Variants in FAF1 observed in about 807,000 individuals in gnomAD.
The protein encoded by FAF1 is FAS-associated factor 1.
A neutral mutation model predicts 92.5 loss-of-function variants in FAF1; 25 were observed. That is an observed-to-expected ratio of 0.27 (90% CI 0.20 to 0.38). The LOEUF (loss-of-function observed/expected upper bound fraction) is 0.38. Ranked by LOEUF, FAF1 falls within the 10% of genes least tolerant of loss-of-function variation. FAF1 has a pLI of 1.00. For missense variants in FAF1, 636 were observed against 793.3 expected (o/e 0.80, Z 2.38); for synonymous variants, 234 against 273.2 (o/e 0.86, Z 1.42).
intron 6 of FAF1, among the ~76,000 whole-genome samples, chr1:50,723,870 T>C (rs1379491358): frequency 6.6e-6 from 1 of 152,094 alleles, no homozygotes; most frequent in Non-Finnish European, 1.5e-5. Context: ...TGACTCAGCC[T>C]CCTGAGTAGC....
At chr1:50,901,082 AT>A in intron 1 of FAF1, among the ~76,000 whole-genome samples, 1 of 152,192 alleles carries the variant, frequency 6.6e-6, no homozygotes, top group Non-Finnish European at 1.5e-5. Context: ...TGTATTATAT[AT>A]TTATCTACTT....
chr1:50,476,882 T>G (rs1646644990), intron 17 of FAF1, among the ~76,000 whole-genome samples: 1 of 152,100 alleles, frequency 6.6e-6, no homozygotes, highest in Non-Finnish European at 1.5e-5. Context: ...ATATAACTAG[T>G]CAGCTTATAA....
intron 3 of FAF1, among the ~76,000 whole-genome samples, chr1:50,799,435 C>A (rs2124589334): frequency 6.6e-6 from 1 of 152,066 alleles, no homozygotes; most frequent in African/African-American, 2.4e-5. Flanking sequence ...AAATCATATA[C>A]CCTCTTGGAT....
intron 12 of FAF1, among the ~76,000 whole-genome samples, chr1:50,576,426 T>C (rs1384137109): frequency 6.6e-6 from 1 of 152,182 alleles, no homozygotes; most frequent in Non-Finnish European, 1.5e-5. Flanking sequence ...AAGCTCAGAC[T>C]CCCAAAGGGA....
chr1:50,608,985 C>T (rs1363353547), intron 8 of FAF1, among the ~76,000 whole-genome samples: 1 of 152,188 alleles, frequency 6.6e-6, no homozygotes, highest in African/African-American at 2.4e-5. Context: ...TCTATCTATG[C>T]TTGACTGTAT....
chr1:50,807,660 G>A (rs185284439), intron 2 of FAF1, among the ~76,000 whole-genome samples: 146 of 152,140 alleles, frequency 9.6e-4, no homozygotes, highest in African/African-American at 3.4e-3. Context: ...ACCAAAGAGA[G>A]GAAAGAATCT....
intron 8 of FAF1, among the ~76,000 whole-genome samples, chr1:50,644,819 AG>A (rs1654511164): frequency 6.6e-6 from 1 of 152,200 alleles, no homozygotes; most frequent in Non-Finnish European, 1.5e-5. Flanking sequence ...AGCAGTCTAC[AG>A]GTTTGGGATT....
At chr1:50,687,557 C>T (rs1312483556) in intron 7 of FAF1, among the ~76,000 whole-genome samples, 3 of 151,622 alleles carry the variant, frequency 2.0e-5, no homozygotes, top group Non-Finnish European at 4.4e-5. Context: ...CGAGACCAGC[C>T]TGGCCAACAA....
In FAF1 at chr1:50,566,967, A is replaced by C. The variant is rs560843473; in HGVS notation, c.1268+110T>G. ...GAGCAGCTTTTGTCTAATGAAATGC[A>C]ATGGTAGAGAGTTTAATGCTGAGGA... On this transcript the variant is annotated intron_variant, in intron 13 of 18. Transcript: ENST00000396153. The C allele has an allele frequency of 4.0e-6, 3 of 741,026 alleles. No individual in the cohort carries two copies. The East Asian group carries it at 8.4e-5, about 21-fold the overall frequency. The allele number at this position is 741,026 out of a possible 1,614,324, so 45.9% of individuals were successfully genotyped here. A position where few individuals can be genotyped will look rare whatever the true frequency, so the allele number is the denominator to read the frequency against.
At chr1:50,754,835 A>G (rs571081637) in intron 4 of FAF1, among the ~76,000 whole-genome samples, 2 of 152,240 alleles carry the variant, frequency 1.3e-5, no homozygotes, top group South Asian at 2.1e-4. Flanking sequence ...CACATCTTAC[A>G]TGAATGGCAG....
At chr1:50,451,364 G>A (rs931788483) in intron 18 of FAF1, among the ~76,000 whole-genome samples, 2 of 152,182 alleles carry the variant, frequency 1.3e-5, no homozygotes, top group Non-Finnish European at 2.9e-5. Context: ...ACTGTGCTAA[G>A]TGCTGTATAA....
At chr1:50,795,006 T>A (rs78348653) in intron 3 of FAF1, among the ~76,000 whole-genome samples, 3,038 of 152,230 alleles carry the variant, frequency 0.02, 100 homozygotes, top group African/African-American at 0.07. Flanking sequence ...CTTAATAACA[T>A]AGATAAGAAG....
intron 6 of FAF1, among the ~76,000 whole-genome samples, chr1:50,726,149 G>A (rs1213704462): frequency 6.6e-6 from 1 of 151,844 alleles, no homozygotes; most frequent in East Asian, 1.9e-4. Flanking sequence ...CCAGCTACTC[G>A]GGAGGCTGAG....
chr1:50,599,901 T>C, intron 8 of FAF1, among the ~76,000 whole-genome samples: 1 of 152,210 alleles, frequency 6.6e-6, no homozygotes, highest in East Asian at 1.9e-4. Context: ...TTTTGGAATA[T>C]TGGCATCATA....
At chr1:50,949,233 G>A (rs914741091) in intron 1 of FAF1, among the ~76,000 whole-genome samples, 1 of 152,192 alleles carries the variant, frequency 6.6e-6, no homozygotes, top group Non-Finnish European at 1.5e-5. Context: ...TCTGAGGTGG[G>A]GGTCCAGCAA....
chr1:50,887,814 T>C (rs944537110), intron 1 of FAF1, among the ~76,000 whole-genome samples: 2 of 152,232 alleles, frequency 1.3e-5, no homozygotes, highest in Non-Finnish European at 2.9e-5. Context: ...GGTAACATGA[T>C]GCCTCCAGCT....
chr1:50,741,798 G>A (rs1659398048), intron 5 of FAF1, among the ~76,000 whole-genome samples: 1 of 152,160 alleles, frequency 6.6e-6, no homozygotes, highest in Admixed American at 6.5e-5. Flanking sequence ...CTTCTTGGGG[G>A]AAGATTGGTA....
chr1:50,589,890 G>A (rs1227765864), intron 9 of FAF1, among the ~76,000 whole-genome samples: 4 of 152,022 alleles, frequency 2.6e-5, no homozygotes, highest in South Asian at 4.1e-4. Flanking sequence ...TCATTCTTTC[G>A]CATGTGGATA....
At chr1:50,672,046 CTTAT>C (rs1459480122) in intron 7 of FAF1, among the ~76,000 whole-genome samples, 2 of 139,262 alleles carry the variant, frequency 1.4e-5, no homozygotes, top group East Asian at 2.1e-4. Context: ...TATTTATTTA[CTTAT>C]TTATTTATTT....
Sources: allele counts gnomAD v4.1 joint callset (sites outside exome capture counted in the v4.1 genomes callset), GRCh38; gene constraint gnomAD v4.1.1; transcripts MANE v1.5; gene names NCBI Gene and HGNC (gene_info 2026-07-23, HGNC 2026-07-21).